Variants in LPP observed in about 807,000 individuals in gnomAD.
The protein encoded by LPP is lipoma-preferred partner.
LPP carries 38 observed loss-of-function variants against 60.4 expected under a neutral mutation model. That is an observed-to-expected ratio of 0.63 (90% CI 0.49 to 0.83). LPP has a LOEUF of 0.83. Ranked by LOEUF, LPP falls within the 40% of genes least tolerant of loss-of-function variation. The pLI is 0.00. For missense variants in LPP, 902 were observed against 783.6 expected (o/e 1.15, Z -1.80); for synonymous variants, 328 against 290.8 (o/e 1.13, Z -1.30).
At chr3:188,841,018 A>G (rs1288556978) in intron 9 of LPP, among the ~76,000 whole-genome samples, 1 of 152,116 alleles carries the variant, frequency 6.6e-6, no homozygotes, top group East Asian at 1.9e-4. Context: ...TGCAGGAGGT[A>G]CTGTGTGCTA....
At chr3:188,318,661 T>C (rs1232050943) in intron 2 of LPP, among the ~76,000 whole-genome samples, 2 of 152,056 alleles carry the variant, frequency 1.3e-5, no homozygotes, top group African/African-American at 4.8e-5. Flanking sequence ...TTTTTCTTAT[T>C]CTTTTCGACT....
chr3:188,839,674 A>G (rs1449354712), intron 9 of LPP, among the ~76,000 whole-genome samples: 3 of 152,062 alleles, frequency 2.0e-5, no homozygotes, highest in Non-Finnish European at 4.4e-5. Context: ...GGAGATCGAG[A>G]CCATCCTGGC....
rs1020712325 is a variant in LPP at position 188,196,842 on chromosome 3, C to T, written c.-189-28563C>T. On this transcript the variant is annotated intron_variant, in intron 1 of 11. Transcript: ENST00000617246. The stretch of plus-strand genomic sequence containing the variant: ...TATACCTGGGATTCTCTGTAGCTCC[C>T]GTGACCTCACACATAGTGTTCCCTT... Among the ~76,000 whole-genome samples the T allele has an allele frequency of 5.3e-5, 8 of 152,260 alleles. No homozygotes were observed. The East Asian group carries it at 7.7e-4, about 15-fold the overall frequency.
rs1194830682 is a variant in LPP, at chr3:188,609,862, A to G, written c.1113+18A>G. ...AGCCAAAGGTAAGAAACTCAGTAAC[A>G]TAAGGAGGAGAATACAGGGGTGCCT... On this transcript the variant is annotated intron_variant, in intron 7 of 11. Coordinates refer to ENST00000617246, the MANE Select transcript of LPP (RefSeq NM_001375462.1). This position sits in a 1 kb window ranked among gnomAD's most constrained non-coding sequence, Gnocchi z 6.9. 1 of 1,595,290 alleles carries G rather than the reference A, an allele frequency of 6.3e-7. No individual in the cohort carries two copies. Among genetic ancestry groups the G allele is most frequent in the East Asian group, 2.2e-5 (1 of 44,748 alleles).
intron 6 of LPP, among the ~76,000 whole-genome samples, chr3:188,599,751 G>GGTGTGTGTGTGTGTGT (rs71169011): frequency 0.015 from 2,115 of 139,858 alleles, 47 homozygotes; most frequent in African/African-American, 0.047. Context: ...ACTCGTTAGG[G>GGTGTGTGTGTGTGTGT]GTGTGTGTGT....
At chr3:188,250,969 CT>C (rs1266616716) in intron 2 of LPP, among the ~76,000 whole-genome samples, 1 of 37,202 alleles carries the variant, frequency 2.7e-5, no homozygotes, top group Non-Finnish European at 5.2e-5. Context: ...CTTCCCTTCC[CT>C]TCCCTTCCCT....
intron 2 of LPP, among the ~76,000 whole-genome samples, chr3:188,298,709 G>A (rs1748742816): frequency 1.3e-5 from 2 of 152,200 alleles, no homozygotes; most frequent in Admixed American, 1.3e-4. Context: ...AAAAGAGTGA[G>A]AAGGTCACAA....
chr3:188,609,088 TA>T lies in LPP; in HGVS notation c.430-72del. On this transcript the variant is annotated intron_variant, in intron 6 of 11. Coordinates refer to ENST00000617246, the MANE Select transcript of LPP (RefSeq NM_001375462.1). This position sits in a 1 kb window ranked among gnomAD's most constrained non-coding sequence, Gnocchi z 6.9. Reference sequence around the variant, plus strand: ...TTAGCAGTTATTAATATTTTTCATTTATTCATTTTTATTGAGTTTCGTTGGC... The same window carrying T: ...TTAGCAGTTATTAATATTTTTCATTTTTCATTTTTATTGAGTTTCGTTGGC... 7 of 1,069,716 alleles carry T rather than the reference TA, an allele frequency of 6.5e-6. No individual in the cohort carries two copies. Among genetic ancestry groups the T allele is most frequent in the Non-Finnish European group, 8.2e-6 (6 of 729,362 alleles). The allele number at this position is 1,069,716 out of a possible 1,614,324, so 66.3% of individuals were successfully genotyped here.
At chr3:188,386,669 T>G (rs1420234843) in intron 3 of LPP, among the ~76,000 whole-genome samples, 1 of 152,164 alleles carries the variant, frequency 6.6e-6, no homozygotes, top group Non-Finnish European at 1.5e-5. Context: ...AAAGTAAACA[T>G]CCAAAGCCAG....
intron 2 of LPP, among the ~76,000 whole-genome samples, chr3:188,271,762 C>T (rs952106315): frequency 4.6e-5 from 7 of 152,094 alleles, no homozygotes; most frequent in African/African-American, 1.2e-4. Context: ...GAAAGGATGA[C>T]GTTAGTTTCT....
intron 2 of LPP, among the ~76,000 whole-genome samples, chr3:188,320,413 G>A (rs1473715011): frequency 6.6e-6 from 1 of 152,184 alleles, no homozygotes; most frequent in Non-Finnish European, 1.5e-5. Context: ...CCCCTCAGTG[G>A]TGAGCTCAGT....
At chr3:188,459,708 A>G (rs1355862415) in intron 4 of LPP, among the ~76,000 whole-genome samples, 1 of 152,340 alleles carries the variant, frequency 6.6e-6, no homozygotes, top group Admixed American at 6.5e-5. Context: ...ATGGGGACTC[A>G]TACTCAGAGA....
intron 2 of LPP, among the ~76,000 whole-genome samples, chr3:188,252,871 A>G (rs1730377018): frequency 6.6e-6 from 1 of 152,144 alleles, no homozygotes; most frequent in African/African-American, 2.4e-5. Flanking sequence ...TCCCAGGTTC[A>G]AGTGATTCCC....
intron 9 of LPP, among the ~76,000 whole-genome samples, chr3:188,795,839 T>G (rs1745177078): frequency 6.6e-6 from 1 of 152,224 alleles, no homozygotes; most frequent in Admixed American, 6.5e-5. Context: ...ATTTTATTCC[T>G]ATATGTGTTT....
At position 188,875,977 on chromosome 3, in the gene LPP, C is replaced by T. The variant is rs1769205369; in HGVS notation, c.*1498C>T. The T allele has an allele frequency of 5.5e-6, 1 of 182,966 alleles. No individual in the cohort carries two copies. The highest frequency in any genetic ancestry group is 1.2e-5 in the Non-Finnish European group (1 of 86,016). 11.3% of individuals were successfully genotyped at this position (182,966 alleles called of 1,614,324 possible). A position where few individuals can be genotyped will look rare whatever the true frequency, so the allele number is the denominator to read the frequency against. On this transcript the variant is annotated 3_prime_UTR_variant, in exon 12 of 12. Transcript: ENST00000617246. ...TAAATTATGGAGTATTTTAAGTCTA[C>T]AAAAAGGTATAAATAATAATATAAT...
intron 2 of LPP, among the ~76,000 whole-genome samples, chr3:188,245,411 T>G (rs1248151944): frequency 6.6e-6 from 1 of 152,122 alleles, no homozygotes; most frequent in African/African-American, 2.4e-5. Flanking sequence ...TTAAACAGTT[T>G]GTGGGCAGGG....
At chr3:188,574,703 A>C (rs1195180204) in intron 6 of LPP, among the ~76,000 whole-genome samples, 1 of 151,828 alleles carries the variant, frequency 6.6e-6, no homozygotes, top group Non-Finnish European at 1.5e-5. Context: ...TTGCCAGCGT[A>C]ATTTCCTGTG....
At chr3:188,778,000 A>AT (rs1430940905) in intron 9 of LPP, among the ~76,000 whole-genome samples, 1 of 152,206 alleles carries the variant, frequency 6.6e-6, no homozygotes. Context: ...AAGTGAGTGA[A>AT]TTGTAACTTT....
chr3:188,207,212 C>CTTTTTTTTTTTTT (rs5855184), intron 1 of LPP, among the ~76,000 whole-genome samples: 2 of 129,334 alleles, frequency 1.5e-5, no homozygotes, highest in Non-Finnish European at 3.2e-5. Flanking sequence ...TACACATTTT[C>CTTTTTTTTTTTTT]TTTTTTTTTT....
Sources: allele counts gnomAD v4.1 joint callset (sites outside exome capture counted in the v4.1 genomes callset), GRCh38; gene constraint gnomAD v4.1.1; non-coding constraint Gnocchi (gnomAD v3.1); transcripts MANE v1.5; gene names NCBI Gene and HGNC (gene_info 2026-07-23, HGNC 2026-07-21).